The following RANBP10 variants were observed in gnomAD, a reference collection of about 807,000 sequenced individuals.
RANBP10 encodes the protein RAN binding protein 10.
Under a neutral mutation model 72.8 loss-of-function variants are expected in RANBP10, and 24 were observed. That is an observed-to-expected ratio of 0.33 (90% CI 0.24 to 0.46). The LOEUF (loss-of-function observed/expected upper bound fraction) is 0.46. Ranked by LOEUF, RANBP10 falls within the 20% of genes least tolerant of loss-of-function variation. The pLI is 1.00. For missense variants in RANBP10, 679 were observed against 817.5 expected, an observed-to-expected ratio of 0.83 and a Z score of 2.07; for synonymous variants, 310 against 322.3, an observed-to-expected ratio of 0.96 and a Z score of 0.41.
At position 67,726,287 on chromosome 16, in the gene RANBP10, A is replaced by G; in HGVS notation, c.*141T>C. On this transcript the variant is annotated 3_prime_UTR_variant, in exon 14 of 14. Transcript: ENST00000317506. ...GCAGAGAAAGGAAGGAAGGAAGGAA[A>G]GGGAGAGGGGGAAAGGCCAGGCAGG... 1 of 1,262,490 alleles carries G rather than the reference A, an allele frequency of 7.9e-7. No homozygotes were observed. Among genetic ancestry groups the G allele is most frequent in the Non-Finnish European group, 1.1e-6 (1 of 911,650 alleles). 78.2% of individuals were successfully genotyped at this position (1,262,490 alleles called of 1,614,324 possible). A position where few individuals can be genotyped will look rare whatever the true frequency, so the allele number is the denominator to read the frequency against.
chr16:67,740,659 C>T (rs2143004960), intron 4 of RANBP10, among the ~76,000 whole-genome samples: 2 of 152,320 alleles, frequency 1.3e-5, no homozygotes, highest in South Asian at 4.1e-4. Context: ...TCTTATAAGG[C>T]ACTATTCAAT....
At chr16:67,799,769 C>T (rs1388624169) in intron 2 of RANBP10, among the ~76,000 whole-genome samples, 5 of 152,088 alleles carry the variant, frequency 3.3e-5, no homozygotes, top group African/African-American at 9.7e-5. Context: ...ATGACACATA[C>T]GGTGGCCTGA....
At chr16:67,732,706 C>T (rs189364692) in intron 6 of RANBP10, among the ~76,000 whole-genome samples, 1 of 152,122 alleles carries the variant, frequency 6.6e-6, no homozygotes, top group Admixed American at 6.5e-5. Flanking sequence ...TCACTTGAGG[C>T]CAGGAGTTCA....
intron 3 of RANBP10, among the ~76,000 whole-genome samples, chr16:67,750,502 C>A (rs143108650): frequency 0.011 from 1,701 of 152,314 alleles, 19 homozygotes; most frequent in Non-Finnish European, 0.017. Context: ...GCCCCCTCCC[C>A]CAAGATCATG....
chr16:67,740,609 A>G (rs1460412496), intron 4 of RANBP10, among the ~76,000 whole-genome samples: 1 of 152,104 alleles, frequency 6.6e-6, no homozygotes, highest in African/African-American at 2.4e-5. Flanking sequence ...CAGCCAGCAC[A>G]TACCACATGC....
chr16:67,723,602 T>G lies in RANBP10; in HGVS notation c.*2826A>C, dbSNP rs1191781579. On this transcript the variant is annotated 3_prime_UTR_variant, in exon 14 of 14. Coordinates refer to ENST00000317506, the MANE Select transcript of RANBP10 (RefSeq NM_020850.3). The stretch of plus-strand genomic sequence containing the variant: ...GACCCATGAGGATGGGGATGGGGGT[T>G]CTGGCTTGCTATGAGTGCCAGTTTT... 2.0e-5 allele frequency: 3 copies of G among 152,702 alleles called. No individual in the cohort carries two copies. The highest frequency in any genetic ancestry group is 4.4e-5 in the Non-Finnish European group (3 of 68,104). 9.5% of individuals were successfully genotyped at this position (152,702 alleles called of 1,614,324 possible).
Position 67,806,411 on chromosome 16 carries a change from C to G in RANBP10, c.126G>C (p.Leu42=). Residue 42 remains leucine (L), a synonymous_variant, in exon 1 of 14, where the codon CTG becomes CTC. Transcript: ENST00000317506. ...TCTCTTGCTGGTTGACCGCGGGATA[C>G]AGGCGCTGCAAGCGCCGGCTCAGCT... is the stretch of plus-strand genomic sequence containing the variant. ...EQELSRRLQR[L]YPAVNQQETP... is the part of the protein sequence containing the mutation. 1 of 1,605,566 alleles carries G rather than the reference C, an allele frequency of 6.2e-7. No individual in the cohort carries two copies. The highest frequency in any genetic ancestry group is 8.5e-7 in the Non-Finnish European group (1 of 1,176,586).
Position 67,729,239 on chromosome 16 carries a change from T to TA in RANBP10, c.1352+40dup. On this transcript the variant is annotated intron_variant, in intron 10 of 13. Transcript: ENST00000317506. This position sits in a 1 kb window ranked among gnomAD's most constrained non-coding sequence, Gnocchi z 7.1. ...CAGACTGCAATGGGCCCAGCTGGCA[T>TA]AAGGCAGAAGGCAGAGGAGGAAGCA... is the stretch of plus-strand genomic sequence containing the variant. The TA allele has an allele frequency of 6.2e-7, 1 of 1,602,676 alleles. No individual in the cohort carries two copies. Among genetic ancestry groups the TA allele is most frequent in the Non-Finnish European group, 8.5e-7 (1 of 1,174,320 alleles).
chr16:67,748,579 T>C (rs754107259), intron 3 of RANBP10, among the ~76,000 whole-genome samples: 3 of 151,906 alleles, frequency 2.0e-5, no homozygotes, highest in Non-Finnish European at 4.4e-5. Flanking sequence ...TATATTACTA[T>C]TATTTGTACA....
intron 3 of RANBP10, among the ~76,000 whole-genome samples, chr16:67,747,240 A>T (rs2054100258): frequency 6.6e-6 from 1 of 152,060 alleles, no homozygotes; most frequent in Non-Finnish European, 1.5e-5. Flanking sequence ...TAATGGTTTT[A>T]ATATCATTGT....
intron 2 of RANBP10, among the ~76,000 whole-genome samples, chr16:67,776,340 T>C (rs1271562681): frequency 6.7e-6 from 1 of 149,618 alleles, no homozygotes; most frequent in African/African-American, 2.5e-5. Context: ...AACATGGCTG[T>C]AAACCCAGCT....
At chr16:67,778,392 T>C (rs567144771) in intron 2 of RANBP10, among the ~76,000 whole-genome samples, 12 of 152,010 alleles carry the variant, frequency 7.9e-5, no homozygotes, top group Admixed American at 7.2e-4. Context: ...TTACACCATA[T>C]ATAAAAATCA....
chr16:67,762,754 A>G (rs143092488), intron 3 of RANBP10, among the ~76,000 whole-genome samples: 1 of 152,352 alleles, frequency 6.6e-6, no homozygotes, highest in East Asian at 1.9e-4. Flanking sequence ...GATGCAATTT[A>G]CTGAAGCCCA....
chr16:67,801,025 A>G (rs1406520727), intron 2 of RANBP10, among the ~76,000 whole-genome samples: 1 of 152,300 alleles, frequency 6.6e-6, no homozygotes, highest in South Asian at 2.1e-4. Flanking sequence ...CATAGTAGGT[A>G]TATATAAATA....
rs775935865 is a variant in RANBP10 at position 67,729,842 on chromosome 16, G to A, written c.999-14C>T. 6 of 1,613,444 alleles carry A rather than the reference G, an allele frequency of 3.7e-6. No individual in the cohort carries two copies. The highest frequency in any genetic ancestry group is 2.7e-5 in the African/African-American group (2 of 74,916). ...AACTGCCGGCACCTGTGGAGGGAGC[G>A]GAGCAATAATGCTCTGGTTGTGGTC... is the stretch of plus-strand genomic sequence containing the variant. On this transcript the variant is annotated splice_polypyrimidine_tract_variant and intron_variant, in intron 8 of 13. Coordinates refer to ENST00000317506, the MANE Select transcript of RANBP10 (RefSeq NM_020850.3). The surrounding 1 kb of genome is among the most constrained non-coding windows in gnomAD (Gnocchi z 7.1).
At chr16:67,778,369 T>C (rs765257011) in intron 2 of RANBP10, among the ~76,000 whole-genome samples, 8 of 151,404 alleles carry the variant, frequency 5.3e-5, no homozygotes, top group Non-Finnish European at 1.0e-4. Context: ...AAAAAAGAAG[T>C]TTTTTGCTTA....
At chr16:67,788,940 T>G (rs1298206670) in intron 2 of RANBP10, among the ~76,000 whole-genome samples, 1 of 146,060 alleles carries the variant, frequency 6.8e-6, no homozygotes, top group Non-Finnish European at 1.5e-5. Context: ...GAGGCTGCAG[T>G]GAGCCAAGAT....
At chr16:67,754,300 A>G (rs1454430229) in intron 3 of RANBP10, among the ~76,000 whole-genome samples, 1 of 152,182 alleles carries the variant, frequency 6.6e-6, no homozygotes, top group Non-Finnish European at 1.5e-5. Context: ...AGATGTAGAA[A>G]GTCCGTGATG....
chr16:67,769,668 C>G (rs1417677902), intron 3 of RANBP10, among the ~76,000 whole-genome samples: 1 of 143,330 alleles, frequency 7.0e-6, no homozygotes, highest in African/African-American at 2.6e-5. Flanking sequence ...ACGGCACCAA[C>G]CCAGGAGGCA....
Sources: gnomAD v4.1 joint callset for allele counts (sites outside exome capture counted in the v4.1 genomes callset) on GRCh38, gnomAD v4.1.1 for gene constraint, Gnocchi (gnomAD v3.1) non-coding constraint, MANE v1.5 for transcripts, NCBI Gene and HGNC (gene_info 2026-07-23, HGNC 2026-07-21) for gene names.